Variants in PDS5A observed in about 807,000 individuals in gnomAD.
The protein encoded by PDS5A is PDS5 cohesin associated factor A.
PDS5A carries 42 observed loss-of-function variants against 167.1 expected under a neutral mutation model. The ratio of observed to expected loss-of-function variants is 0.25; its 90% CI spans 0.20 to 0.33. PDS5A has a LOEUF of 0.33. Among genes scored for constraint, PDS5A ranks in the 10% least tolerant of loss-of-function variants. The probability of loss-of-function intolerance (pLI) is 1.00; values close to 1 mark genes in which losing one functional copy is unlikely to be tolerated. For missense variants in PDS5A, 1,033 were observed against 1,605.9 expected (o/e 0.64, Z 6.10); for synonymous variants, 553 against 554.6 (o/e 1.00, Z 0.04).
intron 31 of PDS5A, among the ~76,000 whole-genome samples, chr4:39,839,738 T>C (rs1187254603): frequency 1.0e-5 from 1 of 99,438 alleles, no homozygotes; most frequent in Non-Finnish European, 1.9e-5. Context: ...AGATAAGCAC[T>C]TCAAGAATAT....
At chr4:39,850,189 G>A (rs569283469) in intron 26 of PDS5A, among the ~76,000 whole-genome samples, 15 of 151,410 alleles carry the variant, frequency 9.9e-5, no homozygotes, top group African/African-American at 3.4e-4. Context: ...GGAGAATGGC[G>A]TGAACCCAGG....
intron 2 of PDS5A, among the ~76,000 whole-genome samples, chr4:39,960,262 C>G (rs922866956): frequency 6.6e-6 from 1 of 152,130 alleles, no homozygotes; most frequent in African/African-American, 2.4e-5. Context: ...GAGTGAGACT[C>G]TGTCTCAAAA....
intron 2 of PDS5A, chr4:39,973,673 T>C: frequency 7.8e-7 from 1 of 1,290,080 alleles, no homozygotes; most frequent in Admixed American, 1.7e-5. Flanking sequence ...CCATCGTATG[T>C]AGCTTTAGCT....
In PDS5A at chr4:39,841,937, T is replaced by C. The variant is rs1207796568; in HGVS notation, c.3657+11A>G. 6.9e-7 allele frequency: 1 copy of C among 1,450,722 alleles called. No individual in the cohort carries two copies. The highest frequency in any genetic ancestry group is 1.7e-5 in the Admixed American group (1 of 58,488). 89.9% of individuals were successfully genotyped at this position (1,450,722 alleles called of 1,614,324 possible). On this transcript the variant is annotated intron_variant, in intron 31 of 32. Coordinates refer to ENST00000303538, the MANE Select transcript of PDS5A (RefSeq NM_001100399.2). ...ATGGAAAAAATCCACTTGTTAAATT[T>C]TAAAATTTACCTTATTCTTTACTGG...
At chr4:39,870,406 C>T (rs897707340) in intron 21 of PDS5A, among the ~76,000 whole-genome samples, 3 of 151,650 alleles carry the variant, frequency 2.0e-5, no homozygotes, top group African/African-American at 4.8e-5. Flanking sequence ...GGCAACATGG[C>T]GAAACCCTGT....
intron 26 of PDS5A, among the ~76,000 whole-genome samples, chr4:39,851,032 T>C (rs1331184989): frequency 6.6e-6 from 1 of 152,234 alleles, no homozygotes; most frequent in Non-Finnish European, 1.5e-5. Flanking sequence ...GCTTAATGGC[T>C]TAAATGATAG....
rs528106939 is a variant in PDS5A at position 39,946,580 on chromosome 4, T to C, written c.139-18416A>G. 8.5e-5 allele frequency among the ~76,000 whole-genome samples: 13 copies of C among 152,262 alleles called. No homozygotes were observed. The South Asian group carries it at 1.9e-3, about 22-fold the overall frequency. On this transcript the variant is annotated intron_variant, in intron 2 of 32. Coordinates refer to ENST00000303538, the MANE Select transcript of PDS5A (RefSeq NM_001100399.2). ...AAGAAAAAAAGACCAAATTACTACA[T>C]TCAGAATGAAAATAGACATGTTACT... is the stretch of plus-strand genomic sequence containing the variant.
rs35032799 is a variant in PDS5A, at chr4:39,872,172, C to CTT, written c.2436+812_2436+813dup. On this transcript the variant is annotated intron_variant, in intron 21 of 32. Coordinates refer to ENST00000303538, the MANE Select transcript of PDS5A (RefSeq NM_001100399.2). Reference sequence around the variant, plus strand: ...AATTAGTCAAATTCAAGTCCACTTACTTTTTTTTTTTTTTTTTTTTTGAGA... The same window carrying CTT: ...AATTAGTCAAATTCAAGTCCACTTACTTTTTTTTTTTTTTTTTTTTTTTGAGA... Among the ~76,000 whole-genome samples, 563 of 95,476 alleles carry CTT rather than the reference C, an allele frequency of 5.9e-3. 11 individuals carry two copies. The highest frequency in any genetic ancestry group is 0.018 in the African/African-American group (533 of 29,932). The allele number at this position is 95,476 out of a possible 152,430, so 62.6% of individuals were successfully genotyped here. A position where few individuals can be genotyped will look rare whatever the true frequency, so the allele number is the denominator to read the frequency against.
At chr4:39,896,334 A>G (rs1722406986) in intron 16 of PDS5A, among the ~76,000 whole-genome samples, 1 of 147,442 alleles carries the variant, frequency 6.8e-6, no homozygotes, top group Admixed American at 6.7e-5. Flanking sequence ...GTGTGAGCCA[A>G]TGTACTGATC....
intron 2 of PDS5A, among the ~76,000 whole-genome samples, chr4:39,931,312 A>G (rs1726041068): frequency 1.3e-5 from 2 of 152,060 alleles, no homozygotes; most frequent in Non-Finnish European, 2.9e-5. Flanking sequence ...GCCCAGGCTA[A>G]AAAAATTTTT....
intron 32 of PDS5A, among the ~76,000 whole-genome samples, chr4:39,829,950 C>CAAAAAAAAAAAAAAAAAAA (rs1158287221): frequency 3.0e-5 from 2 of 67,296 alleles, no homozygotes; most frequent in Non-Finnish European, 4.6e-5. Context: ...GACTCCAACT[C>CAAAAAAAAAAAAAAAAAAA]AAAAAAAAAA....
At chr4:39,900,642 ATATT>A (rs1380218889) in intron 13 of PDS5A, 135 bp from the exon 14 acceptor site, 3 of 621,556 alleles carry the variant, frequency 4.8e-6, no homozygotes, top group Non-Finnish European at 8.7e-6. Context: ...ACCGGGAAAT[ATATT>A]TATTAGGATT....
chr4:39,906,989 A>C (rs1165732225), intron 11 of PDS5A, among the ~76,000 whole-genome samples: 1 of 151,596 alleles, frequency 6.6e-6, no homozygotes, highest in East Asian at 1.9e-4. Flanking sequence ...AAATTTCTAG[A>C]GGCTATAACC....
intron 14 of PDS5A, among the ~76,000 whole-genome samples, chr4:39,899,613 T>C (rs777258295): frequency 2.6e-4 from 40 of 151,988 alleles, no homozygotes; most frequent in Non-Finnish European, 5.4e-4. Flanking sequence ...TTGGGAGGCC[T>C]AGGCAGGCAG....
intron 17 of PDS5A, 52 bp from the exon 18 acceptor site, chr4:39,879,885 C>T (rs1295873985): frequency 1.0e-6 from 1 of 990,434 alleles, no homozygotes; most frequent in African/African-American, 1.6e-5. Flanking sequence ...GTAACTATAT[C>T]CTAATCACAC....
At chr4:39,948,381 G>A (rs1200667157) in intron 2 of PDS5A, among the ~76,000 whole-genome samples, 4 of 128,516 alleles carry the variant, frequency 3.1e-5, no homozygotes, top group East Asian at 2.4e-4. Flanking sequence ...GCAATGGTGC[G>A]ACCTCGGCTC....
intron 9 of PDS5A, among the ~76,000 whole-genome samples, chr4:39,913,089 CT>C (rs57878074): frequency 0.66 from 95,419 of 143,796 alleles, 32,878 homozygotes; most frequent in South Asian, 0.81. Flanking sequence ...TAATGACTTT[CT>C]TTTTTTTTTT....
At chr4:39,919,638 C>A (rs979952713) in intron 7 of PDS5A, among the ~76,000 whole-genome samples, 3 of 151,926 alleles carry the variant, frequency 2.0e-5, no homozygotes, top group Non-Finnish European at 4.4e-5. Flanking sequence ...GAGTGAGACT[C>A]CGTCTCAAAA....
intron 21 of PDS5A, among the ~76,000 whole-genome samples, chr4:39,871,807 G>A (rs1174342421): frequency 6.6e-6 from 1 of 152,034 alleles, no homozygotes; most frequent in African/African-American, 2.4e-5. Context: ...GGGTTCAAGC[G>A]ATTCTCCTGC....
Sources: gnomAD v4.1 joint callset for allele counts (sites outside exome capture counted in the v4.1 genomes callset) on GRCh38, gnomAD v4.1.1 for gene constraint, MANE v1.5 for transcripts, NCBI Gene and HGNC (gene_info 2026-07-23, HGNC 2026-07-21) for gene names.